Variants in RGS6 observed in about 807,000 individuals in gnomAD.
RGS6 encodes regulator of G-protein signaling 6.
In RGS6, 30 loss-of-function variants were observed where a neutral mutation model predicts 78.5. The observed-to-expected ratio is 0.38, with a 90% CI of 0.29 to 0.52. The LOEUF is 0.52. Among genes scored for constraint, RGS6 ranks in the 20% least tolerant of loss-of-function variants. The probability of loss-of-function intolerance (pLI) is 0.85; values close to 1 mark genes in which losing one functional copy is unlikely to be tolerated. For synonymous variants in RGS6, 206 were observed against 206.0 expected, an observed-to-expected ratio of 1.00 and a Z score of 0.00; for missense variants, 495 against 609.7, an observed-to-expected ratio of 0.81 and a Z score of 1.98.
chr14:72,616,332 G>T, the RGS6 span, among the ~76,000 whole-genome samples: 2 of 152,138 alleles, frequency 1.3e-5, no homozygotes, highest in African/African-American at 4.8e-5. Flanking sequence ...TCTTATAGAA[G>T]GAGTATCCTG....
At chr14:72,458,459 T>G in intron 5 of RGS6, 82 bp downstream of exon 5, 1 of 1,105,120 alleles carries the variant, frequency 9.0e-7, no homozygotes, top group Non-Finnish European at 1.4e-6. Context: ...AAAGAAAACC[T>G]AGGGATATCT....
the RGS6 span, among the ~76,000 whole-genome samples, chr14:71,885,061 C>T: frequency 2.0e-5 from 3 of 152,336 alleles, no homozygotes; most frequent in South Asian, 6.2e-4. Flanking sequence ...ATACTATTGC[C>T]ATCCCTTAGC....
At chr14:72,350,234 A>G (rs924721678) in intron 2 of RGS6, among the ~76,000 whole-genome samples, 7 of 152,232 alleles carry the variant, frequency 4.6e-5, no homozygotes, top group African/African-American at 1.7e-4. Flanking sequence ...TCTTAGAGAA[A>G]CCCAGAAGAG....
At chr14:72,140,223 A>G (rs1294707609) in intron 2 of RGS6, among the ~76,000 whole-genome samples, 3 of 152,298 alleles carry the variant, frequency 2.0e-5, no homozygotes, top group East Asian at 1.9e-4. Flanking sequence ...ACAAAATCAG[A>G]TTTATATTTA....
intron 2 of RGS6, among the ~76,000 whole-genome samples, chr14:72,088,373 T>C (rs1276047369): frequency 6.6e-6 from 1 of 152,186 alleles, no homozygotes; most frequent in Non-Finnish European, 1.5e-5. Flanking sequence ...TCTCTTGCCT[T>C]GCGCCGATTG....
At chr14:72,373,779 A>AC (rs1235680964) in intron 3 of RGS6, among the ~76,000 whole-genome samples, 1 of 151,950 alleles carries the variant, frequency 6.6e-6, no homozygotes, top group African/African-American at 2.4e-5. Flanking sequence ...GTCTCACTAA[A>AC]CCCCATGTGG....
chr14:71,947,249 G>T (rs2091663000), intron 1 of RGS6, among the ~76,000 whole-genome samples: 1 of 152,114 alleles, frequency 6.6e-6, no homozygotes. Flanking sequence ...ACATCTTGGG[G>T]TAAACTTTAT....
intron 2 of RGS6, among the ~76,000 whole-genome samples, chr14:72,240,939 A>G (rs1450847607): frequency 6.6e-6 from 1 of 152,106 alleles, no homozygotes; most frequent in Non-Finnish European, 1.5e-5. Context: ...CAGGTGGATC[A>G]CGAGGTCAGG....
chr14:72,605,517 A>T, the RGS6 span, among the ~76,000 whole-genome samples: 2 of 152,200 alleles, frequency 1.3e-5, no homozygotes, highest in African/African-American at 2.4e-5. Context: ...TTGGGGACAC[A>T]CTGTTGTTCT....
rs369626315 is a variant in RGS6 at position 72,500,920 on chromosome 14, T to C, written c.965+5658T>C. Among the ~76,000 whole-genome samples the C allele has an allele frequency of 5.1e-4, 78 of 152,228 alleles. 4 individuals carry two copies. The South Asian group carries it at 0.016, about 32-fold the overall frequency. ...AATGTCTAGTATGTGCTTTTTTAAA[T>C]AGTAGGCTGCCAGGAGGTGCGATAT... is the stretch of plus-strand genomic sequence containing the variant. On this transcript the variant is annotated intron_variant, in intron 13 of 17. Coordinates refer to ENST00000553525, the MANE Select transcript of RGS6 (RefSeq NM_001204424.2).
At chr14:72,442,508 C>T (rs2095241789) in intron 3 of RGS6, among the ~76,000 whole-genome samples, 1 of 152,170 alleles carries the variant, frequency 6.6e-6, no homozygotes. Flanking sequence ...GCCCTTGTAA[C>T]ATTCTGGTGC....
intron 2 of RGS6, among the ~76,000 whole-genome samples, chr14:71,996,128 C>T (rs542311104): frequency 4.6e-5 from 7 of 150,698 alleles, no homozygotes; most frequent in Middle Eastern, 3.5e-3. Context: ...GAAATCCAGG[C>T]AGCAAGTCGG....
intron 2 of RGS6, among the ~76,000 whole-genome samples, chr14:72,038,213 G>A (rs1012862834): frequency 5.3e-5 from 8 of 152,008 alleles, no homozygotes; most frequent in African/African-American, 1.4e-4. Flanking sequence ...CAATCAATCC[G>A]CCTGCCTCAG....
rs190099687 is a variant in RGS6, at chr14:72,247,210, G to T, written c.85-104885G>T. Among the ~76,000 whole-genome samples, 63 of 152,260 alleles carry T rather than the reference G, an allele frequency of 4.1e-4. 1 individual carries two copies. The East Asian group carries it at 5.8e-3, about 14-fold the overall frequency. The stretch of plus-strand genomic sequence containing the variant: ...TAGCAAGTGATGGTATGCCAGCTTA[G>T]ACTTTTTCTAATACTTTTTTTCCCA... On this transcript the variant is annotated intron_variant, in intron 2 of 17. Transcript: ENST00000553525.
intron 2 of RGS6, among the ~76,000 whole-genome samples, chr14:72,025,855 C>G (rs1363602449): frequency 2.6e-5 from 4 of 152,030 alleles, no homozygotes; most frequent in Non-Finnish European, 4.4e-5. Context: ...GATCCAAAGC[C>G]CATGTGTGGT....
chr14:72,368,133 T>A (rs1353185345), intron 3 of RGS6, among the ~76,000 whole-genome samples: 1 of 152,078 alleles, frequency 6.6e-6, no homozygotes, highest in Non-Finnish European at 1.5e-5. Flanking sequence ...GTCTGGGAAG[T>A]CCAAAAGCAT....
chr14:72,346,360 A>T (rs1218187298), intron 2 of RGS6, among the ~76,000 whole-genome samples: 1 of 152,220 alleles, frequency 6.6e-6, no homozygotes, highest in African/African-American at 2.4e-5. Context: ...AAGCAGAGAC[A>T]AGAGGCATGG....
the RGS6 span, among the ~76,000 whole-genome samples, chr14:71,873,104 G>A: frequency 3.3e-5 from 5 of 152,120 alleles, no homozygotes; most frequent in Admixed American, 2.6e-4. Flanking sequence ...ATAAACATAC[G>A]TGTGCATGTG....
chr14:71,959,525 A>G (rs10134070), intron 1 of RGS6, among the ~76,000 whole-genome samples: 1 of 152,186 alleles, frequency 6.6e-6, no homozygotes, highest in Admixed American at 6.5e-5. Flanking sequence ...GGGCACTAAG[A>G]GTGGCAGGCA....
Sources: gnomAD v4.1 joint callset for allele counts (sites outside exome capture counted in the v4.1 genomes callset) on GRCh38, gnomAD v4.1.1 for gene constraint, MANE v1.5 for transcripts, NCBI Gene and HGNC (gene_info 2026-07-23, HGNC 2026-07-21) for gene names.